The following TXLNA variants were observed in gnomAD, a reference collection of about 807,000 sequenced individuals.
TXLNA encodes the protein alpha-taxilin.
TXLNA carries 9 observed loss-of-function variants against 61.4 expected under a neutral mutation model. The ratio of observed to expected loss-of-function variants is 0.15; its 90% CI spans 0.09 to 0.26. The LOEUF (loss-of-function observed/expected upper bound fraction) is 0.26, where lower values mean the gene tolerates loss of function less well. TXLNA is among the 10% of genes least tolerant of loss of function. The probability of loss-of-function intolerance (pLI) is 1.00; values close to 1 mark genes in which losing one functional copy is unlikely to be tolerated. For synonymous variants in TXLNA, 257 were observed against 267.7 expected, an observed-to-expected ratio of 0.96 and a Z score of 0.39; for missense variants, 565 against 688.8, an observed-to-expected ratio of 0.82 and a Z score of 2.01.
At chr1:32,194,232 T>A in intron 10 of TXLNA, 72 bp downstream of exon 10, 1 of 1,256,164 alleles carries the variant, frequency 8.0e-7, no homozygotes, top group Non-Finnish European at 1.1e-6. Flanking sequence ...TCCTGTATGT[T>A]CTACCCATCA....
intron 4 of TXLNA, among the ~76,000 whole-genome samples, chr1:32,187,535 C>T (rs1183477522): frequency 6.6e-6 from 1 of 152,064 alleles, no homozygotes; most frequent in Non-Finnish European, 1.5e-5. Flanking sequence ...GCAGCGCTAA[C>T]GTTTTGAAGG....
rs1280142500 is a variant in TXLNA at position 32,190,210 on chromosome 1, G to A, written c.924G>A (p.Arg308=). ...LRQENMELAE[R]LKKLIEQYEL... ...AAGAGAACATGGAGCTGGCTGAGAG[G>A]CTCAAGAAGCTGATTGAGCAGTATG... Residue 308 remains arginine, a synonymous_variant, in exon 6 of 11, where the codon AGG becomes AGA. Coordinates refer to ENST00000373610, the MANE Select transcript of TXLNA (RefSeq NM_175852.4). 3.1e-6 allele frequency: 5 copies of A among 1,605,518 alleles called. No individual in the cohort carries two copies. In the African/African-American group the frequency reaches 5.3e-5, roughly 17 times the overall value.
intron 2 of TXLNA, among the ~76,000 whole-genome samples, chr1:32,180,819 T>C (rs998008024): frequency 6.6e-6 from 1 of 152,232 alleles, no homozygotes; most frequent in African/African-American, 2.4e-5. Flanking sequence ...CTAACTGCCC[T>C]TCCTGTTTGA....
chr1:32,197,745 A>C lies in TXLNA; in HGVS notation c.*2550A>C, dbSNP rs1156277236. On this transcript the variant is annotated 3_prime_UTR_variant, in exon 11 of 11. Transcript: ENST00000373610. This position sits in a 1 kb window ranked among gnomAD's most constrained non-coding sequence, Gnocchi z 4.6. ...AGAGCGCATGGCTCTGCTAATAGTA[A>C]ATTGTTTTCAGGGCCTTGTCCAGCT... 1 of 152,106 alleles carries C rather than the reference A, an allele frequency of 6.6e-6. No homozygotes were observed. Among genetic ancestry groups the C allele is most frequent in the Non-Finnish European group, 1.5e-5 (1 of 68,044 alleles). The allele number at this position is 152,106 out of a possible 1,614,324, so 9.4% of individuals were successfully genotyped here.
chr1:32,190,065 T>C lies in TXLNA; in HGVS notation c.779T>C (p.Val260Ala). 1.9e-6 allele frequency: 3 copies of C among 1,573,866 alleles called. No homozygotes were observed. In the South Asian group the frequency reaches 3.5e-5, roughly 18 times the overall value. ...RHNRSLKEEG[V>A]QRAREEEEKR... is the part of the protein sequence containing the mutation. The stretch of plus-strand genomic sequence containing the variant: ...GACTTCTTTGCCCAGGAAGAAGGTG[T>C]GCAGCGGGCCCGGGAGGAGGAGGAG... The change falls in exon 6 of 11, where the codon GTG (valine) becomes GCG (alanine). Residue 260 changes from valine (V) to alanine (A), a missense_variant. Around this residue, in one of 2 missense-constraint regions of TXLNA, gnomAD observed 373 missense variants for 504.0 expected, o/e 0.74. Transcript: ENST00000373610.
At chr1:32,193,669 T>C (rs1375408394) in intron 9 of TXLNA, among the ~76,000 whole-genome samples, 4 of 152,072 alleles carry the variant, frequency 2.6e-5, no homozygotes, top group Non-Finnish European at 5.9e-5. Flanking sequence ...GCCTCCTGAC[T>C]AGCTGGAATT....
rs767915709 is a variant in TXLNA at position 32,192,614 on chromosome 1, CT to C, written c.1084-42del. ...TGTGGCTAAAAACCAAACATAGCCC[CT>C]GGGGGCTTCTGACAGGATCTGGGGT... On this transcript the variant is annotated intron_variant, in intron 7 of 10. Coordinates refer to ENST00000373610, the MANE Select transcript of TXLNA (RefSeq NM_175852.4). The surrounding 1 kb of genome is among the most constrained non-coding windows in gnomAD (Gnocchi z 4.2). 3.7e-6 allele frequency: 6 copies of C among 1,612,722 alleles called. No homozygotes were observed. The highest frequency in any genetic ancestry group is 1.6e-4 in the Middle Eastern group (1 of 6,076).
At chr1:32,190,017 C>T (rs1399145929) in intron 5 of TXLNA, 38 bp from the exon 6 acceptor site, 1 of 1,525,338 alleles carries the variant, frequency 6.6e-7, no homozygotes, top group Admixed American at 2.0e-5. Context: ...TGTGAGGTAG[C>T]AGTGGATGAT....
At position 32,192,761 on chromosome 1, in the gene TXLNA, T is replaced by TC; in HGVS notation, c.1158+31dup. On this transcript the variant is annotated intron_variant, in intron 8 of 10. Transcript: ENST00000373610. This position sits in a 1 kb window ranked among gnomAD's most constrained non-coding sequence, Gnocchi z 4.2. ...GAGCATATAACCTGACCCTGTGCCT[T>TC]CAAGTTTCCCTCACTGGGCCCCATC... 6.2e-7 allele frequency: 1 copy of TC among 1,612,460 alleles called. No individual in the cohort carries two copies. The highest frequency in any genetic ancestry group is 8.5e-7 in the Non-Finnish European group (1 of 1,178,578).
rs1041974603 is a variant in TXLNA, at chr1:32,185,964, C to G, written c.597+1348C>G. On this transcript the variant is annotated intron_variant, in intron 4 of 10. Transcript: ENST00000373610. ...CCGCCCGTCTCAGCCTCCCAAAGTG[C>G]TGGGATTACAGGTGTGAGCCACTGT... 3.3e-4 allele frequency among the ~76,000 whole-genome samples: 50 copies of G among 152,156 alleles called. 1 individual carries two copies. Among genetic ancestry groups the G allele is most frequent in the Non-Finnish European group, 5.9e-5 (4 of 68,028 alleles).
intron 8 of TXLNA, 61 bp from the exon 9 acceptor site, chr1:32,193,147 G>A (rs1642942741): frequency 1.8e-6 from 2 of 1,107,186 alleles, no homozygotes; most frequent in South Asian, 1.2e-5. Flanking sequence ...GTCTGAGTGT[G>A]TTGACCAGAG....
At chr1:32,181,678 T>TAC (rs1302350701) in intron 3 of TXLNA, 101 bp downstream of exon 3, 8 of 1,153,948 alleles carry the variant, frequency 6.9e-6, no homozygotes, top group African/African-American at 3.1e-5. Context: ...AGGAAAACGG[T>TAC]ACTTCTCAGA....
intron 10 of TXLNA, 26 bp downstream of exon 10, chr1:32,194,186 G>T: frequency 6.3e-7 from 1 of 1,595,236 alleles, no homozygotes; most frequent in Non-Finnish European, 8.6e-7. Context: ...TCTGCAGCCA[G>T]GGTGGGGGTG....
At position 32,187,990 on chromosome 1, in the gene TXLNA, C is replaced by T. The variant is rs796903727; in HGVS notation, c.634C>T (p.Leu212Phe). ...CCGGAATTCACAGAAGCAGATGAAG[C>T]TCCTACAGAAAAAGCAGAGCCAGCT... ...EHRNSQKQMK[L>F]LQKKQSQLVQ... Residue 212 changes from leucine to phenylalanine, a missense_variant, in exon 5 of 11, where the codon CTC (leucine) becomes TTC (phenylalanine). Transcript: ENST00000373610. 6.2e-7 allele frequency: 1 copy of T among 1,613,908 alleles called. No individual in the cohort carries two copies. Among genetic ancestry groups the T allele is most frequent in the Non-Finnish European group, 8.5e-7 (1 of 1,179,906 alleles).
In TXLNA at chr1:32,193,283, A is replaced by ACCG. The variant is rs1256494745; in HGVS notation, c.1234_1235insCCG (p.Lys412delinsThrGlu). On this transcript the variant is annotated protein_altering_variant, in exon 9 of 11. Transcript: ENST00000373610. ...AAGCAGCGAGGTATTCACCACATTC[A>ACCG]AGCAGGAGATGGAAAAGGTAACTGT... 1 of 1,613,200 alleles carries ACCG rather than the reference A, an allele frequency of 6.2e-7. No homozygotes were observed. The highest frequency in any genetic ancestry group is 2.2e-5 in the East Asian group (1 of 44,820).
At chr1:32,187,335 T>G (rs893642871) in intron 4 of TXLNA, among the ~76,000 whole-genome samples, 1 of 152,364 alleles carries the variant, frequency 6.6e-6, no homozygotes, top group South Asian at 2.1e-4. Context: ...TAATTACTTA[T>G]GTGGTTTGCA....
Position 32,187,491 on chromosome 1 carries a change from A to G in TXLNA, c.598-463A>G, listed in dbSNP as rs1354816791. On this transcript the variant is annotated intron_variant, in intron 4 of 10. Coordinates refer to ENST00000373610, the MANE Select transcript of TXLNA (RefSeq NM_175852.4). ...TGATACTGAAGTGGCCACAAATGAG[A>G]AAAGTAATTGTGTTGGGGAGAGCGC... 1.4e-4 allele frequency among the ~76,000 whole-genome samples: 22 copies of G among 152,120 alleles called. 1 individual carries two copies.
rs1643005907 is a variant in TXLNA, at chr1:32,195,734, C to G, written c.*539C>G. On this transcript the variant is annotated 3_prime_UTR_variant, in exon 11 of 11. Transcript: ENST00000373610. ...CCCTAGGCAGAGCCCTGGCAGGGCG[C>G]TCAGAGCTGGGGATTTCCTGCCTGG... The G allele has an allele frequency of 2.2e-6, 1 of 456,266 alleles. No homozygotes were observed. The highest frequency in any genetic ancestry group is 4.4e-6 in the Non-Finnish European group (1 of 227,062). The allele number at this position is 456,266 out of a possible 1,614,324, so 28.3% of individuals were successfully genotyped here.
intron 9 of TXLNA, among the ~76,000 whole-genome samples, chr1:32,193,685 C>G (rs147803525): frequency 6.6e-6 from 1 of 151,940 alleles, no homozygotes; most frequent in Non-Finnish European, 1.5e-5. Flanking sequence ...GAATTACAGG[C>G]GCGTGCCACC....
Sources: allele counts gnomAD v4.1 joint callset (sites outside exome capture counted in the v4.1 genomes callset), GRCh38; gene constraint gnomAD v4.1.1; regional missense constraint gnomAD v4.1.1; non-coding constraint Gnocchi (gnomAD v3.1); transcripts MANE v1.5; gene names NCBI Gene and HGNC (gene_info 2026-07-23, HGNC 2026-07-21).